Variants in CEP135 observed in about 807,000 individuals in gnomAD.
CEP135 encodes the protein centrosomal protein 135.
Under a neutral mutation model 157.3 loss-of-function variants are expected in CEP135, and 142 were observed. The observed-to-expected ratio is 0.90, with a 90% CI of 0.79 to 1.04. The LOEUF (loss-of-function observed/expected upper bound fraction) is 1.04, where lower values mean the gene tolerates loss of function less well. CEP135 is among the 50% of genes least tolerant of loss of function. The pLI, the probability that CEP135 is intolerant of heterozygous loss-of-function variation, is 0.00. For synonymous variants in CEP135, 396 were observed against 439.8 expected (o/e 0.90, Z 1.25); for missense variants, 1,317 against 1,309.2 (o/e 1.01, Z -0.09).
At chr4:56,030,729 A>G (rs1283779254) in intron 25 of CEP135, among the ~76,000 whole-genome samples, 1 of 152,224 alleles carries the variant, frequency 6.6e-6, no homozygotes, top group Non-Finnish European at 1.5e-5. Context: ...TGCCGGGATT[A>G]CAGGCATGAG....
chr4:55,960,807 TCCCAG>T (rs1476815666), intron 6 of CEP135: 1 of 149,642 alleles, frequency 6.7e-6, no homozygotes, highest in Non-Finnish European at 1.5e-5. Flanking sequence ...GCGCCTGTAG[TCCCAG>T]CTACTTGGGA....
At chr4:56,011,616 A>T in intron 20 of CEP135, 94 bp downstream of exon 20, 1 of 1,020,834 alleles carries the variant, frequency 9.8e-7, no homozygotes, top group Non-Finnish European at 1.5e-6. Context: ...AAACATTTTA[A>T]AGTAGAGATC....
In CEP135 at chr4:55,957,315, C is replaced by A; in HGVS notation, c.565C>A (p.Gln189Lys). The change falls in exon 5 of 26, where the codon CAA becomes AAA. Residue 189 changes from glutamine to lysine, a missense_variant. By Grantham distance (53) the Gln-to-Lys change is moderately conservative. Transcript: ENST00000257287. ...PSEVSSYPVP[Q>K]PDDPYIADLL... ...TGAAGTCAGTTCATATCCAGTTCCT[C>A]AACCAGATGACCCTTACATTGCAGA... 1 of 1,614,108 alleles carries A rather than the reference C, an allele frequency of 6.2e-7. No homozygotes were observed. Among genetic ancestry groups the A allele is most frequent in the Non-Finnish European group, 8.5e-7 (1 of 1,179,988 alleles).
chr4:55,979,238 CT>C (rs150230631), intron 11 of CEP135, among the ~76,000 whole-genome samples: 3,173 of 151,110 alleles, frequency 0.021, 109 homozygotes, highest in African/African-American at 0.073. Context: ...TGTTATTTTT[CT>C]TTTTTTTTAA....
rs375490053 is a variant in CEP135 at position 55,954,380 on chromosome 4, C to G, written c.469C>G (p.Pro157Ala). 6.3e-6 allele frequency: 10 copies of G among 1,586,846 alleles called. No homozygotes were observed. The highest frequency in any genetic ancestry group is 1.4e-5 in the African/African-American group (1 of 73,286). Residue 157 changes from proline (P) to alanine (A), a missense_variant, in exon 4 of 26, where the codon CCA (proline) becomes GCA (alanine). By Grantham distance (27) the Pro-to-Ala change is conservative. Coordinates refer to ENST00000257287, the MANE Select transcript of CEP135 (RefSeq NM_025009.5). ...GAATTTGCATGCTGTAGTACAAACT[C>G]CAGGTAAATCGATTCCTTCTCGAGA... ...EKNLHAVVQTPGGKKRSIAFR... is the reference protein window; with the variant it reads ...EKNLHAVVQTAGGKKRSIAFR...
Position 55,965,759 on chromosome 4 carries a change from T to C in CEP135, c.944T>C (p.Leu315Pro), listed in dbSNP as rs762230792. Residue 315 changes from leucine to proline, a missense_variant, in exon 8 of 26, where the codon CTC becomes CCC. Transcript: ENST00000257287. Reference sequence around the variant, plus strand: ...AATTTAAGTAACAAAAATGAAAAACTCTGCCAAGAATTAACTGAAATAGAT... The same window carrying C: ...AATTTAAGTAACAAAAATGAAAAACCCTGCCAAGAATTAACTGAAATAGAT... ...VVNLSNKNEK[L>P]CQELTEIDQL... The C allele has an allele frequency of 1.2e-6, 2 of 1,613,856 alleles. No individual in the cohort carries two copies. The highest frequency in any genetic ancestry group is 2.2e-5 in the South Asian group (2 of 91,072).
chr4:56,015,764 C>T (rs1730750913), intron 21 of CEP135, among the ~76,000 whole-genome samples: 1 of 152,114 alleles, frequency 6.6e-6, no homozygotes, highest in Non-Finnish European at 1.5e-5. Flanking sequence ...CCAGTGTGGT[C>T]CATATTCAGA....
chr4:55,981,455 G>A, intron 13 of CEP135, 76 bp downstream of exon 13: 1 of 1,365,540 alleles, frequency 7.3e-7, no homozygotes, highest in Non-Finnish European at 9.8e-7. Context: ...TTCCTGTGAA[G>A]TTACTATTGG....
At chr4:56,030,457 GT>G (rs1055922443) in intron 25 of CEP135, among the ~76,000 whole-genome samples, 2 of 152,008 alleles carry the variant, frequency 1.3e-5, no homozygotes, top group African/African-American at 4.8e-5. Context: ...GTTTTGTTTT[GT>G]TTTAGAGACA....
intron 12 of CEP135, among the ~76,000 whole-genome samples, chr4:55,980,816 A>T (rs941711476): frequency 6.6e-6 from 1 of 152,184 alleles, no homozygotes; most frequent in Non-Finnish European, 1.5e-5. Flanking sequence ...CCCATCTCCC[A>T]TGAAATCCTA....
chr4:55,955,748 C>CTATT lies in CEP135; in HGVS notation c.472+1367_472+1370dup, dbSNP rs561231012. ...TGAATGAGTTAGGTGGAGGGTGATA[C>CTATT]TATTTCTTAAGTTAGAGAATGTGGG... On this transcript the variant is annotated intron_variant, in intron 4 of 25. Coordinates refer to ENST00000257287, the MANE Select transcript of CEP135 (RefSeq NM_025009.5). Among the ~76,000 whole-genome samples the CTATT allele has an allele frequency of 2.9e-3, 440 of 152,244 alleles. 3 individuals are homozygous for CTATT. The highest frequency in any genetic ancestry group is 0.01 in the African/African-American group (429 of 41,548).
chr4:55,958,730 A>G (rs1160671944), intron 5 of CEP135, among the ~76,000 whole-genome samples: 1 of 152,108 alleles, frequency 6.6e-6, no homozygotes, highest in African/African-American at 2.4e-5. Flanking sequence ...TCCAGTTAAC[A>G]TCAGGTACAA....
At chr4:55,955,891 T>C (rs1728486961) in intron 4 of CEP135, among the ~76,000 whole-genome samples, 1 of 151,640 alleles carries the variant, frequency 6.6e-6, no homozygotes, top group Non-Finnish European at 1.5e-5. Flanking sequence ...GTGTGGGCCC[T>C]GGTGGAGATG....
chr4:56,014,458 T>G (rs893449013), intron 21 of CEP135, among the ~76,000 whole-genome samples: 10 of 152,214 alleles, frequency 6.6e-5, no homozygotes, highest in African/African-American at 2.4e-4. Context: ...TATGTTGTCA[T>G]GGATGGATTT....
intron 25 of CEP135, among the ~76,000 whole-genome samples, chr4:56,031,088 C>T (rs12506140): frequency 0.097 from 14,668 of 151,704 alleles, 1,093 homozygotes; most frequent in East Asian, 0.28. Flanking sequence ...GCTATGATCA[C>T]GCCACTGCAC....
intron 8 of CEP135, among the ~76,000 whole-genome samples, chr4:55,968,330 A>G (rs1157226715): frequency 1.3e-5 from 2 of 152,020 alleles, no homozygotes; most frequent in Non-Finnish European, 2.9e-5. Flanking sequence ...TAAAGTGTCC[A>G]TACAACTCAA....
chr4:56,002,471 C>T (rs1730209895), intron 17 of CEP135, among the ~76,000 whole-genome samples: 1 of 152,094 alleles, frequency 6.6e-6, no homozygotes, highest in South Asian at 2.1e-4. Flanking sequence ...AATGCTTTTT[C>T]AGCATCTATT....
chr4:56,019,726 A>C (rs1036609455), intron 23 of CEP135, among the ~76,000 whole-genome samples, 171 bp downstream of exon 23: 7 of 151,980 alleles, frequency 4.6e-5, no homozygotes. Flanking sequence ...GCCTGAGCTC[A>C]GGAGTTTGAG....
chr4:55,966,988 T>A (rs1222481399), intron 8 of CEP135, among the ~76,000 whole-genome samples: 1 of 152,106 alleles, frequency 6.6e-6, no homozygotes, highest in Non-Finnish European at 1.5e-5. Flanking sequence ...CCTTTCTCCT[T>A]GAAATTTCCA....
Sources: gnomAD v4.1 joint callset for allele counts (sites outside exome capture counted in the v4.1 genomes callset) on GRCh38, gnomAD v4.1.1 for gene constraint, MANE v1.5 for transcripts, NCBI Gene and HGNC (gene_info 2026-07-23, HGNC 2026-07-21) for gene names.